Variants in AKAP3 observed in about 807,000 individuals in gnomAD.
AKAP3 encodes A-kinase anchoring protein 3, also known as A-kinase anchor protein 3.
In AKAP3, 27 loss-of-function variants were observed where a neutral mutation model predicts 57.2. The ratio of observed to expected loss-of-function variants is 0.47; its 90% CI spans 0.35 to 0.65. The LOEUF is 0.65. AKAP3 is among the 30% of genes least tolerant of loss of function. AKAP3 has a pLI of 0.01. For synonymous variants in AKAP3, 334 were observed against 392.3 expected (o/e 0.85, Z 1.76); for missense variants, 959 against 1,040.0 (o/e 0.92, Z 1.07).
At chr12:4,637,272 G>A (rs1422416245) in intron 4 of AKAP3, among the ~76,000 whole-genome samples, 1 of 152,176 alleles carries the variant, frequency 6.6e-6, no homozygotes, top group Non-Finnish European at 1.5e-5. Flanking sequence ...TTTGCGGTTG[G>A]CATTGTCGAC....
Position 4,615,545 on chromosome 12 carries a change from C to A in AKAP3, c.*194G>T. On this transcript the variant is annotated 3_prime_UTR_variant, in exon 6 of 6. Transcript: ENST00000228850. ...TAATTGTAATTTTTTAATTTTACGT[C>A]CTTGCTTGCATGGACAGGAAAATCT... 1.7e-6 allele frequency: 1 copy of A among 597,516 alleles called. No homozygotes were observed. The highest frequency in any genetic ancestry group is 3.2e-5 in the East Asian group (1 of 31,422). The allele number at this position is 597,516 out of a possible 1,614,324, so 37.0% of individuals were successfully genotyped here.
At chr12:4,626,460 A>G (rs1203274627) in intron 5 of AKAP3, 36 bp downstream of exon 5, 1 of 1,590,940 alleles carries the variant, frequency 6.3e-7, no homozygotes, top group Admixed American at 1.7e-5. Context: ...TTAAATCTTA[A>G]TAAAGCTTCC....
At chr12:4,641,125 T>C (rs1945632944) in intron 3 of AKAP3, among the ~76,000 whole-genome samples, 2 of 132,754 alleles carry the variant, frequency 1.5e-5, no homozygotes, top group South Asian at 2.6e-4. Flanking sequence ...CAGGTTGGAG[T>C]GTACAGGCGC....
chr12:4,635,671 C>T, intron 4 of AKAP3: 1 of 774,382 alleles, frequency 1.3e-6, no homozygotes, highest in Non-Finnish European at 2.3e-6. Context: ...TTGCAAAGGA[C>T]TCCTCATTTG....
rs200920474 is a variant in AKAP3 at position 4,626,784 on chromosome 12, T to C, written c.2118A>G (p.Leu706=). The C allele has an allele frequency of 6.2e-7, 1 of 1,614,142 alleles. No homozygotes were observed. The highest frequency in any genetic ancestry group is 1.3e-5 in the African/African-American group (1 of 75,042). The part of the protein sequence containing the change: ...GDDKSGDASR[L]TSAFPDSLYE... ...ATAAACTATCTGGGAAGGCCGAAGTTAGCCTACTGGCATCTCCAGACTTGT... is the reference window on the plus strand; with the variant it reads ...ATAAACTATCTGGGAAGGCCGAAGTCAGCCTACTGGCATCTCCAGACTTGT... The change falls in exon 5 of 6, where the codon CTA becomes CTG. Residue 706 remains leucine, a synonymous_variant. Transcript: ENST00000228850.
In AKAP3 at chr12:4,627,743, C is replaced by T. The variant is rs758268307; in HGVS notation, c.1159G>A (p.Ala387Thr). Residue 387 changes from alanine (A) to threonine (T), a missense_variant, in exon 5 of 6, where the codon GCC becomes ACC. Transcript: ENST00000228850. ...CTGACATGCTCAGGGACTTTCTTGG[C>T]AAACATTACATTGTACAGCTTCCTT... ...MLRKLYNVMF[A>T]KKVPEHVRKA... 1.2e-5 allele frequency: 19 copies of T among 1,614,012 alleles called. No individual in the cohort carries two copies. The highest frequency in any genetic ancestry group is 1.4e-5 in the Non-Finnish European group (17 of 1,180,036).
At chr12:4,632,297 T>C (rs188530053) in intron 4 of AKAP3, among the ~76,000 whole-genome samples, 1 of 152,332 alleles carries the variant, frequency 6.6e-6, no homozygotes, top group East Asian at 1.9e-4. Context: ...AAGGGGTGTA[T>C]GTGACTGTAG....
intron 3 of AKAP3, among the ~76,000 whole-genome samples, chr12:4,640,792 A>G (rs1242747727): frequency 6.6e-6 from 1 of 152,212 alleles, no homozygotes; most frequent in East Asian, 1.9e-4. Flanking sequence ...CTAATTAGAC[A>G]TGAGCATCAC....
chr12:4,626,480 T>C lies in AKAP3; in HGVS notation c.2406+16A>G, dbSNP rs762565044. 6.2e-7 allele frequency: 1 copy of C among 1,604,190 alleles called. No individual in the cohort carries two copies. Among genetic ancestry groups the C allele is most frequent in the Non-Finnish European group, 8.5e-7 (1 of 1,174,664 alleles). ...TCTTAATAAAGCTTCCAAATTCCTC[T>C]GCCTTTGTTTCTTACCTTCTCCTGG... On this transcript the variant is annotated intron_variant, in intron 5 of 5. Transcript: ENST00000228850.
In AKAP3 at chr12:4,627,687, G is replaced by C; in HGVS notation, c.1215C>G (p.Ser405=). 6.2e-7 allele frequency: 1 copy of C among 1,614,044 alleles called. No homozygotes were observed. The highest frequency in any genetic ancestry group is 1.1e-5 in the South Asian group (1 of 91,074). The change falls in exon 5 of 6, where the codon TCC becomes TCG. Residue 405 remains serine, a synonymous_variant. Coordinates refer to ENST00000228850, the MANE Select transcript of AKAP3 (RefSeq NM_001278309.2). The stretch of plus-strand genomic sequence containing the variant: ...CACCCATTCCTTTCATGGAGATGAG[G>C]GAATAACTCTCAGCCTTGTCTTGGG... ...RKAQDKAESY[S]LISMKGMGDP...
At position 4,628,255 on chromosome 12, in the gene AKAP3, G is replaced by T. The variant is rs753084527; in HGVS notation, c.647C>A (p.Ser216Tyr). The T allele has an allele frequency of 1.9e-6, 3 of 1,614,090 alleles. No individual in the cohort carries two copies. The South Asian group carries it at 3.3e-5, about 18-fold the overall frequency. The change falls in exon 5 of 6, where the codon TCC becomes TAC. Residue 216 changes from serine (S) to tyrosine (Y), a missense_variant. By Grantham distance (144) the Ser-to-Tyr change is moderately radical. Transcript: ENST00000228850. ...SQSPPNLKYK[S>Y]TLKIKESTKE... ...GGTGCTCTCCTTGATCTTCAAAGTG[G>T]ACTTGTATTTCAAATTTGGGGGACT...
chr12:4,633,226 C>A (rs955991069), intron 4 of AKAP3, among the ~76,000 whole-genome samples: 35 of 151,434 alleles, frequency 2.3e-4, no homozygotes, highest in Admixed American at 8.5e-4. Flanking sequence ...GAGTTTGAGA[C>A]CAGCCTGGGC....
At chr12:4,619,625 C>T (rs889275162) in intron 5 of AKAP3, among the ~76,000 whole-genome samples, 3 of 152,112 alleles carry the variant, frequency 2.0e-5, no homozygotes, top group Admixed American at 6.6e-5. Context: ...TATTGAATTA[C>T]ACTTATTGTA....
intron 1 of AKAP3, chr12:4,645,794 C>G (rs1945691633): frequency 6.6e-6 from 1 of 152,060 alleles, no homozygotes; most frequent in Non-Finnish European, 1.5e-5. Flanking sequence ...GGGTTGGGGA[C>G]CTCTGCTTTA....
intron 4 of AKAP3, chr12:4,635,525 T>G: frequency 1.5e-6 from 1 of 676,180 alleles, no homozygotes; most frequent in Admixed American, 2.0e-5. Flanking sequence ...TAATAAACTA[T>G]TGTCATCTGC....
In AKAP3 at chr12:4,636,511, T is replaced by G. The variant is rs561212467; in HGVS notation, c.96+1590A>C. Among the ~76,000 whole-genome samples, 3 of 152,378 alleles carry G rather than the reference T, an allele frequency of 2.0e-5. No homozygotes were observed. In the South Asian group the frequency reaches 6.2e-4, roughly 32 times the overall value. ...AGTTCATTTGATTTAACATTGAAACTGATCTGCCTTTTGTTTCTCCAAATG... is the reference window on the plus strand; with the variant it reads ...AGTTCATTTGATTTAACATTGAAACGGATCTGCCTTTTGTTTCTCCAAATG... On this transcript the variant is annotated intron_variant, in intron 4 of 5. Transcript: ENST00000228850.
chr12:4,639,176 G>C (rs1463742249), intron 3 of AKAP3, among the ~76,000 whole-genome samples: 2 of 152,120 alleles, frequency 1.3e-5, no homozygotes, highest in Non-Finnish European at 2.9e-5. Flanking sequence ...TTACTTGCTA[G>C]TCTTTGAAAA....
At chr12:4,618,051 A>ACT (rs1945306654) in intron 5 of AKAP3, among the ~76,000 whole-genome samples, 2 of 152,234 alleles carry the variant, frequency 1.3e-5, no homozygotes, top group African/African-American at 4.8e-5. Flanking sequence ...AACATGTTCA[A>ACT]ATAGTCCAAG....
chr12:4,644,637 C>T (rs1449679804), intron 2 of AKAP3, among the ~76,000 whole-genome samples: 1 of 152,236 alleles, frequency 6.6e-6, no homozygotes, highest in Non-Finnish European at 1.5e-5. Flanking sequence ...GCAGGCCAGG[C>T]ATGGCGACTC....
Sources: allele counts gnomAD v4.1 joint callset (sites outside exome capture counted in the v4.1 genomes callset), GRCh38; gene constraint gnomAD v4.1.1; transcripts MANE v1.5; gene names NCBI Gene and HGNC (gene_info 2026-07-23, HGNC 2026-07-21).